Variants in UNC13A observed in about 807,000 individuals in gnomAD.
UNC13A encodes protein unc-13 homolog A.
Under a neutral mutation model 219.7 loss-of-function variants are expected in UNC13A, and 61 were observed. That is an observed-to-expected ratio of 0.28 (90% CI 0.23 to 0.34). The LOEUF (loss-of-function observed/expected upper bound fraction) is 0.34. UNC13A is among the 10% of genes least tolerant of loss of function. The pLI is 1.00. For synonymous variants in UNC13A, 920 were observed against 884.6 expected, an observed-to-expected ratio of 1.04 and a Z score of -0.71; for missense variants, 1,476 against 2,270.3, an observed-to-expected ratio of 0.65 and a Z score of 7.11.
chr19:17,674,767 G>A lies in UNC13A; in HGVS notation c.53-11C>T, dbSNP rs374125443. The A allele has an allele frequency of 1.2e-6, 2 of 1,611,506 alleles. No homozygotes were observed. Among genetic ancestry groups the A allele is most frequent in the East Asian group, 2.2e-5 (1 of 44,872 alleles). ...ACGTGTTGAATTTCTCTGTGGCAGT[G>A]AGAGTAGGGGTCAGCGCTGGGGCTC... On this transcript the variant is annotated splice_polypyrimidine_tract_variant and intron_variant, in intron 2 of 43. Transcript: ENST00000519716. The surrounding 1 kb of genome is among the most constrained non-coding windows in gnomAD (Gnocchi z 5.0).
At chr19:17,661,970 A>G (rs996107141) in intron 8 of UNC13A, among the ~76,000 whole-genome samples, 1 of 151,968 alleles carries the variant, frequency 6.6e-6, no homozygotes. Flanking sequence ...GGCCGGGCGC[A>G]GTGGCTCAAA....
chr19:17,616,613 A>T (rs2076667855), intron 41 of UNC13A: 1 of 520,174 alleles, frequency 1.9e-6, no homozygotes, highest in Non-Finnish European at 3.4e-6. Context: ...GGGAGGAAAA[A>T]CAAGAGAGAG....
chr19:17,670,851 C>A (rs935337881), intron 4 of UNC13A, among the ~76,000 whole-genome samples: 1 of 151,080 alleles, frequency 6.6e-6, no homozygotes, highest in African/African-American at 2.4e-5. Context: ...TTGCAGTGAG[C>A]CAAGATTGTG....
intron 5 of UNC13A, among the ~76,000 whole-genome samples, chr19:17,668,653 A>C (rs2079712480): frequency 2.0e-5 from 3 of 151,560 alleles, no homozygotes; most frequent in Admixed American, 6.6e-5. Flanking sequence ...TGCCCAGTTA[A>C]TTTTTTTGTA....
At position 17,657,372 on chromosome 19, in the gene UNC13A, C is replaced by T. The variant is rs140245050; in HGVS notation, c.767+690G>A. 4.2e-3 allele frequency among the ~76,000 whole-genome samples: 643 copies of T among 152,324 alleles called. 2 individuals are homozygous for T. Among genetic ancestry groups the T allele is most frequent in the African/African-American group, 0.015 (612 of 41,564 alleles). On this transcript the variant is annotated intron_variant, in intron 9 of 43. Coordinates refer to ENST00000519716, the MANE Select transcript of UNC13A (RefSeq NM_001080421.3). ...ACTCCTACCCACCCTCTGGTACCCA[C>T]TGAAACATCACTTACTTGTGCAAAT...
At chr19:17,642,204 C>G (rs1404708527) in intron 20 of UNC13A, among the ~76,000 whole-genome samples, 1 of 152,180 alleles carries the variant, frequency 6.6e-6, no homozygotes, top group Non-Finnish European at 1.5e-5. Context: ...AATCATCTAT[C>G]CAGCAATCTA....
At chr19:17,652,321 A>G (rs1366514665) in intron 12 of UNC13A, among the ~76,000 whole-genome samples, 1 of 151,988 alleles carries the variant, frequency 6.6e-6, no homozygotes, top group Non-Finnish European at 1.5e-5. Context: ...TAGTAGAGAC[A>G]GGGTTTCACC....
intron 7 of UNC13A, among the ~76,000 whole-genome samples, chr19:17,663,999 G>C (rs1261358432): frequency 6.7e-6 from 1 of 150,334 alleles, no homozygotes; most frequent in African/African-American, 2.5e-5. Context: ...TTGTTTTTTT[G>C]TGTGGAGATG....
chr19:17,676,047 G>A lies in UNC13A; in HGVS notation c.23-6C>T. The stretch of plus-strand genomic sequence containing the variant: ...ATCAAACTTGGCTTTTTTGACTGTG[G>A]AGAGAGACAGAGATAGGGAAGGGAG... On this transcript the variant is annotated splice_polypyrimidine_tract_variant and splice_region_variant and intron_variant, in intron 1 of 43. Coordinates refer to ENST00000519716, the MANE Select transcript of UNC13A (RefSeq NM_001080421.3). 6.4e-7 allele frequency: 1 copy of A among 1,551,710 alleles called. No homozygotes were observed. The highest frequency in any genetic ancestry group is 2.4e-5 in the East Asian group (1 of 40,908).
intron 17 of UNC13A, among the ~76,000 whole-genome samples, chr19:17,646,657 T>C (rs1283788241): frequency 6.6e-6 from 1 of 152,068 alleles, no homozygotes; most frequent in Admixed American, 6.6e-5. Context: ...CCCCGAGATC[T>C]CCTGCTCGTT....
chr19:17,609,512 C>T (rs2076579140), intron 43 of UNC13A, among the ~76,000 whole-genome samples: 1 of 152,002 alleles, frequency 6.6e-6, no homozygotes, highest in South Asian at 2.1e-4. Context: ...TCCAGTAGTC[C>T]CCACCCCCAT....
chr19:17,640,606 T>A lies in UNC13A; in HGVS notation c.2692A>T (p.Ser898Cys). ...GCATTGATGTTGGCGAGCAGGGTGCTCATGACGGCAGGCACCCCTGGGCAC... is the reference window on the plus strand; with the variant it reads ...GCATTGATGTTGGCGAGCAGGGTGCACATGACGGCAGGCACCCCTGGGCAC... ...YMCPGVPAVM[S>C]TLLANINAYY... The change falls in exon 22 of 44, where the codon AGC (serine) becomes TGC (cysteine). Residue 898 changes from serine (S) to cysteine (C), a missense_variant. This residue lies in a region of UNC13A where 140 missense variants were observed against 270.9 expected (regional missense o/e 0.52). Coordinates refer to ENST00000519716, the MANE Select transcript of UNC13A (RefSeq NM_001080421.3). 6.3e-7 allele frequency: 1 copy of A among 1,586,734 alleles called. No individual in the cohort carries two copies. Among genetic ancestry groups the A allele is most frequent in the South Asian group, 1.2e-5 (1 of 86,524 alleles).
Position 17,627,973 on chromosome 19 carries a change from T to C in UNC13A, c.3754-33A>G. 2 of 1,560,314 alleles carry C rather than the reference T, an allele frequency of 1.3e-6. No individual in the cohort carries two copies. The highest frequency in any genetic ancestry group is 1.7e-6 in the Non-Finnish European group (2 of 1,147,234). On this transcript the variant is annotated intron_variant, in intron 31 of 43. Transcript: ENST00000519716. The surrounding 1 kb of genome is among the most constrained non-coding windows in gnomAD (Gnocchi z 4.7). Reference sequence around the variant, plus strand: ...TGGGAACAGAGAGGGGAGTCAAGCCTCAGGACCTCTCCCCAGAGCCTCCCC... The same window carrying C: ...TGGGAACAGAGAGGGGAGTCAAGCCCCAGGACCTCTCCCCAGAGCCTCCCC...
In UNC13A at chr19:17,641,483, G is replaced by A. The variant is rs1286850129; in HGVS notation, c.2546C>T (p.Ala849Val). 6.8e-6 allele frequency: 11 copies of A among 1,614,080 alleles called. No homozygotes were observed. The highest frequency in any genetic ancestry group is 9.3e-6 in the Non-Finnish European group (11 of 1,180,012). Reference sequence around the variant, plus strand: ...TGTCTCATCGTAGTAAACCTTCCAGGCATCGTCACCCTTGGCATCTGGGAT... The same window carrying A: ...TGTCTCATCGTAGTAAACCTTCCAGACATCGTCACCCTTGGCATCTGGGAT... ...VKIPDAKGDD[A>V]WKVYYDETAQ... The change falls in exon 21 of 44, where the codon GCC (alanine) becomes GTC (valine). Residue 849 changes from alanine (A) to valine (V), a missense_variant. Coordinates refer to ENST00000519716, the MANE Select transcript of UNC13A (RefSeq NM_001080421.3).
At chr19:17,622,651 T>TCAC (rs374378102) in intron 36 of UNC13A, 3,516 of 153,170 alleles carry the variant, frequency 0.023, 90 homozygotes, top group African/African-American at 0.057. Context: ...TGTCTGCATA[T>TCAC]CACCACCACC....
rs2077024415 is a variant in UNC13A at position 17,646,214 on chromosome 19, G to A, written c.2045-103C>T. 2.0e-6 allele frequency: 3 copies of A among 1,512,136 alleles called. No homozygotes were observed. In the African/African-American group the frequency reaches 4.1e-5, roughly 21 times the overall value. 93.7% of individuals were successfully genotyped at this position (1,512,136 alleles called of 1,614,324 possible). On this transcript the variant is annotated intron_variant, in intron 17 of 43. Transcript: ENST00000519716. ...CAGGCTGATAATTGGGACACCTGCA[G>A]CATGGCTGGAGAGCAATGGCAGGGC...
chr19:17,603,020 G>A lies in UNC13A; in HGVS notation c.*3034C>T, dbSNP rs1205117386. 1.3e-5 allele frequency: 2 copies of A among 152,256 alleles called. No individual in the cohort carries two copies. Among genetic ancestry groups the A allele is most frequent in the Admixed American group, 6.5e-5 (1 of 15,284 alleles). 9.4% of individuals were successfully genotyped at this position (152,256 alleles called of 1,614,324 possible). ...AGACGGTGGCTGGGAAAGTCCTGAGGGGAAGGAAGGAGGGTTTTCTCCAAG... is the reference window on the plus strand; with the variant it reads ...AGACGGTGGCTGGGAAAGTCCTGAGAGGAAGGAAGGAGGGTTTTCTCCAAG... On this transcript the variant is annotated 3_prime_UTR_variant, in exon 44 of 44. Transcript: ENST00000519716.
rs1471362608 is a variant in UNC13A at position 17,645,732 on chromosome 19, C to T, written c.2298G>A (p.Gly766=). The T allele has an allele frequency of 1.2e-6, 2 of 1,614,112 alleles. No individual in the cohort carries two copies. The highest frequency in any genetic ancestry group is 2.7e-5 in the African/African-American group (2 of 74,950). ...GCGTCCGCACCTCAATGATCGTCTG[C>T]CCCAGGAAATCGTCAGATTCCCTCT... ...RFKRESDDFL[G]QTIIEVRTLS... Residue 766 remains glycine (G), a synonymous_variant, in exon 19 of 44, where the codon GGG becomes GGA. Transcript: ENST00000519716.
intron 8 of UNC13A, among the ~76,000 whole-genome samples, chr19:17,659,371 A>G (rs1458320857): frequency 6.6e-6 from 1 of 152,144 alleles, no homozygotes; most frequent in Non-Finnish European, 1.5e-5. Context: ...GGAACCCAGG[A>G]GGTGGAGATT....
Sources: allele counts gnomAD v4.1 joint callset (sites outside exome capture counted in the v4.1 genomes callset), GRCh38; gene constraint gnomAD v4.1.1; regional missense constraint gnomAD v4.1.1; non-coding constraint Gnocchi (gnomAD v3.1); transcripts MANE v1.5; gene names NCBI Gene and HGNC (gene_info 2026-07-23, HGNC 2026-07-21).